The following TRAPPC2L variants were observed in gnomAD, a reference collection of about 807,000 sequenced individuals.
The protein encoded by TRAPPC2L is trafficking protein particle complex subunit 2L, also known as trafficking protein particle complex subunit 2-like protein.
In TRAPPC2L, 17 loss-of-function variants were observed where a neutral mutation model predicts 13.2. The ratio of observed to expected loss-of-function variants is 1.29; its 90% CI spans 0.88 to 1.93. The LOEUF is 1.93. Ranked by LOEUF, TRAPPC2L falls within the 30% of genes most tolerant of loss-of-function variation. TRAPPC2L has a pLI of 0.00. For missense variants in TRAPPC2L, 359 were observed against 252.1 expected (o/e 1.42, Z -2.87); for synonymous variants, 150 against 98.1 (o/e 1.53, Z -3.12).
chr16:88,856,839 C>T (rs767326423), upstream of TRAPPC2L: 67 of 1,518,778 alleles, frequency 4.4e-5, no homozygotes, highest in Non-Finnish European at 5.6e-5. Context: ...GCACCAGCAA[C>T]AGCTGCCACC....
At chr16:88,856,221 C>T (rs748606482), upstream of TRAPPC2L, 1 of 703,042 alleles carries the variant, frequency 1.4e-6, no homozygotes, top group Admixed American at 2.0e-5. Context: ...GCTCAGCATT[C>T]TCCAGAGGAC....
chr16:88,856,679 C>G (rs1967922438), upstream of TRAPPC2L: 6 of 524,424 alleles, frequency 1.1e-5, no homozygotes, highest in African/African-American at 2.1e-5. Context: ...CGCCCTTCCC[C>G]CACCTCGCTC....
chr16:88,857,199 G>T lies in TRAPPC2L; in HGVS notation c.33+16G>T, dbSNP rs200697186. The T allele has an allele frequency of 1.3e-5, 20 of 1,564,160 alleles. No individual in the cohort carries two copies. The highest frequency in any genetic ancestry group is 8.9e-5 in the Admixed American group (5 of 55,944). On this transcript the variant is annotated intron_variant, in intron 1 of 3. Transcript: ENST00000565504. ...TGCCAAGGAGGTGCGTACGCGCGGC[G>T]TGGGGCGTCCGGGCTCGCACCATCC...
rs1440086576 is a variant in TRAPPC2L, at chr16:88,858,527, T to A, written c.34-92T>A. The stretch of plus-strand genomic sequence containing the variant: ...AGAGCATGGGAATGCGTTCCCCGGG[T>A]GGCTGCAGGTCACGGCTCTGCAGCA... On this transcript the variant is annotated intron_variant, in intron 1 of 3. Coordinates refer to ENST00000565504, the Ensembl canonical transcript of TRAPPC2L. The A allele has an allele frequency of 6.5e-6, 9 of 1,394,476 alleles. No individual in the cohort carries two copies. The Admixed American group carries it at 1.7e-4, about 27-fold the overall frequency. 86.4% of individuals were successfully genotyped at this position (1,394,476 alleles called of 1,614,324 possible).
chr16:88,859,160 T>TA (rs776724533), intron 2 of TRAPPC2L: 16 of 430,582 alleles, frequency 3.7e-5, no homozygotes, highest in Non-Finnish European at 7.0e-5. Flanking sequence ...CCTTGCCTCT[T>TA]ATGTCACTAG....
intron 1 of TRAPPC2L, 94 bp downstream of exon 1, chr16:88,857,277 G>A: frequency 1.6e-6 from 2 of 1,212,236 alleles, no homozygotes; most frequent in Non-Finnish European, 2.2e-6. Context: ...GGCACCTTAG[G>A]AAATGGGACC....
chr16:88,856,934 C>T, upstream of TRAPPC2L: 2 of 1,465,826 alleles, frequency 1.4e-6, no homozygotes, highest in Admixed American at 2.5e-5. Flanking sequence ...GAGCGTCCGC[C>T]GGCCCTTCCG....
chr16:88,856,242 G>A (rs59100522), upstream of TRAPPC2L: 410 of 703,046 alleles, frequency 5.8e-4, 2 homozygotes, highest in African/African-American at 6.1e-3. Flanking sequence ...AGAGACAGCC[G>A]TCAGGTAAGA....
At chr16:88,856,479 G>A, upstream of TRAPPC2L, 1 of 699,984 alleles carries the variant, frequency 1.4e-6, no homozygotes, top group East Asian at 2.7e-5. Context: ...TCCCGGTCAT[G>A]CAGCACAGTG....
At chr16:88,862,428 A>T (rs1330307141) in exon 4 of TRAPPC2L, 1 of 152,178 alleles carries the variant, frequency 6.6e-6, no homozygotes, top group African/African-American at 2.4e-5. Flanking sequence ...CACATGCAGG[A>T]CCCTTCCCCT....
chr16:88,860,686 C>T, exon 4 of TRAPPC2L: 1 of 610,506 alleles, frequency 1.6e-6, no homozygotes, highest in Non-Finnish European at 2.9e-6. Flanking sequence ...CTCCTCCACC[C>T]CTTCCTGGGG....
intron 1 of TRAPPC2L, among the ~76,000 whole-genome samples, chr16:88,858,176 G>T (rs1228628536): frequency 6.6e-6 from 1 of 152,226 alleles, no homozygotes; most frequent in Non-Finnish European, 1.5e-5. Context: ...GAGATGAAGG[G>T]AATTTGAGCT....
chr16:88,857,921 C>G (rs1037381426), intron 1 of TRAPPC2L, among the ~76,000 whole-genome samples: 6 of 152,230 alleles, frequency 3.9e-5, no homozygotes, highest in Admixed American at 6.5e-5. Flanking sequence ...AGACCAGACT[C>G]GAGACCGCTC....
upstream of TRAPPC2L, chr16:88,856,654 T>TC (rs1316689686): frequency 5.7e-5 from 16 of 281,912 alleles, 1 homozygote; most frequent in South Asian, 2.8e-4. Flanking sequence ...CCCTCACCTC[T>TC]CCCCCCACCC....
At chr16:88,859,614 C>T in intron 2 of TRAPPC2L, 49 bp from the exon 3 acceptor site, 2 of 1,565,336 alleles carry the variant, frequency 1.3e-6, no homozygotes, top group Non-Finnish European at 1.8e-6. Context: ...AGAGGGCCCT[C>T]CACCGGCAGT....
At chr16:88,859,469 C>T in intron 2 of TRAPPC2L, 194 bp from the exon 3 acceptor site, 1 of 709,486 alleles carries the variant, frequency 1.4e-6, no homozygotes, top group Non-Finnish European at 2.6e-6. Context: ...CTGCTCTTCG[C>T]TTCTCCTGCA....
intron 1 of TRAPPC2L, among the ~76,000 whole-genome samples, chr16:88,858,195 A>G (rs1968101966): frequency 6.6e-6 from 1 of 152,158 alleles, no homozygotes; most frequent in African/African-American, 2.4e-5. Flanking sequence ...CTGAGTCTTG[A>G]AGGGTTTAGT....
chr16:88,856,912 AGCCGACCTAGCGAGCGTCC>A, upstream of TRAPPC2L: 5 of 1,495,762 alleles, frequency 3.3e-6, no homozygotes, highest in Non-Finnish European at 4.4e-6. Context: ...CCGGCCAGCG[AGCCGACCTAGCGAGCGTCC>A]GCCGGCCCTT....
chr16:88,862,282 T>C (rs1968439461), exon 4 of TRAPPC2L: 1 of 152,456 alleles, frequency 6.6e-6, no homozygotes, highest in South Asian at 2.1e-4. Flanking sequence ...CCGGTGCCTC[T>C]GCCCAGTTCC....
Sources: allele counts gnomAD v4.1 joint callset (sites outside exome capture counted in the v4.1 genomes callset), GRCh38; gene constraint gnomAD v4.1.1; transcripts MANE v1.5; gene names NCBI Gene and HGNC (gene_info 2026-07-23, HGNC 2026-07-21).